STAM2: variants seen among roughly 807,000 people sequenced by gnomAD.
The protein encoded by STAM2 is signal transducing adaptor molecule 2.
Under a neutral mutation model 65.6 loss-of-function variants are expected in STAM2, and 51 were observed. The observed-to-expected ratio is 0.78, with a 90% CI of 0.62 to 0.98. The LOEUF is 0.98. STAM2 is among the 50% of genes least tolerant of loss of function. The pLI is 0.00. For synonymous variants in STAM2, 198 were observed against 208.4 expected (o/e 0.95, Z 0.43); for missense variants, 584 against 617.8 (o/e 0.95, Z 0.58).
At chr2:152,160,697 TG>T (rs1217060746) in intron 1 of STAM2, among the ~76,000 whole-genome samples, 32 of 127,676 alleles carry the variant, frequency 2.5e-4, no homozygotes, top group Admixed American at 2.0e-3. Flanking sequence ...GGGAGGGAGG[TG>T]GGGGGGTCAG....
chr2:152,156,666 A>G (rs993357556), intron 1 of STAM2, among the ~76,000 whole-genome samples: 2 of 152,170 alleles, frequency 1.3e-5, no homozygotes, highest in Non-Finnish European at 2.9e-5. Context: ...AATTCCATCA[A>G]TATCTACCTA....
Position 152,117,263 on chromosome 2 carries a change from G to C in STAM2, c.*3311C>G, listed in dbSNP as rs1220849524. On this transcript the variant is annotated 3_prime_UTR_variant, in exon 14 of 14. Transcript: ENST00000263904. ...TGATCACACCTCACTGCAGCCTCAA[G>C]CAATACTCCCACCTCAGCCTACTGA... is the stretch of plus-strand genomic sequence containing the variant. The C allele has an allele frequency of 6.6e-6, 1 of 152,140 alleles. No homozygotes were observed. The highest frequency in any genetic ancestry group is 1.5e-5 in the Non-Finnish European group (1 of 68,032). The allele number at this position is 152,140 out of a possible 1,614,324, so 9.4% of individuals were successfully genotyped here.
chr2:152,143,359 T>C (rs1305792892), intron 7 of STAM2, among the ~76,000 whole-genome samples: 4 of 152,216 alleles, frequency 2.6e-5, no homozygotes, highest in Non-Finnish European at 5.9e-5. Context: ...TCTACAGAGA[T>C]TGATCTATTT....
intron 8 of STAM2, 37 bp downstream of exon 8, chr2:152,135,472 C>T: frequency 6.9e-7 from 1 of 1,443,514 alleles, no homozygotes; most frequent in Non-Finnish European, 9.6e-7. Flanking sequence ...GTGAAAAAAA[C>T]TTAAATAGAT....
intron 11 of STAM2, 91 bp from the exon 12 acceptor site, chr2:152,126,470 A>G: frequency 1.3e-6 from 1 of 778,572 alleles, no homozygotes; most frequent in East Asian, 3.4e-5. Context: ...CACAATTTCT[A>G]TTAATATATT....
Position 152,166,091 on chromosome 2 carries a change from T to C in STAM2, c.40+9512A>G, listed in dbSNP as rs1037427589. Among the ~76,000 whole-genome samples the C allele has an allele frequency of 4.0e-4, 61 of 152,164 alleles. 1 individual carries two copies. The highest frequency in any genetic ancestry group is 1.3e-3 in the African/African-American group (55 of 41,510). On this transcript the variant is annotated intron_variant, in intron 1 of 13. Coordinates refer to ENST00000263904, the MANE Select transcript of STAM2 (RefSeq NM_005843.6). ...GGTGGTGCACATCTGTAGTCCCAGA[T>C]TGAACCTGGGAGGTGGAGGGTGCAG...
In STAM2 at chr2:152,148,297, C is replaced by T. The variant is rs200776407; in HGVS notation, c.129G>A (p.Ala43=). The change falls in exon 3 of 14, where the codon GCG becomes GCA. Residue 43 remains alanine (A), a synonymous_variant. Coordinates refer to ENST00000263904, the MANE Select transcript of STAM2 (RefSeq NM_005843.6). The part of the protein sequence containing the change: ...CDKVGSTPNG[A]KDCLKAIMKR... ...TCATTATGGCTTTTAGGCAATCTTT[C>T]GCTCTAAAAAAAAAAAGAGAGAGAG... is the stretch of plus-strand genomic sequence containing the variant. The T allele has an allele frequency of 5.6e-6, 9 of 1,594,548 alleles. No homozygotes were observed. The highest frequency in any genetic ancestry group is 2.3e-5 in the South Asian group (2 of 86,718).
In STAM2 at chr2:152,126,296, A is replaced by T; in HGVS notation, c.1109T>A (p.Val370Glu). ...GTGGAGCTTTGAATAGACTGAGTAC[A>T]CTGGTGCTTCATTCACCAATTTGTT... ...LYNKLVNEAP[V>E]YSVYSKLHPP... The change falls in exon 12 of 14, where the codon GTG becomes GAG. Residue 370 changes from valine (V) to glutamate (E), a missense_variant. Physicochemically the swap from Val to Glu is moderately radical, Grantham distance 121. Transcript: ENST00000263904. 3 of 1,608,992 alleles carry T rather than the reference A, an allele frequency of 1.9e-6. No individual in the cohort carries two copies.
chr2:152,167,643 C>A (rs1689810411), intron 1 of STAM2, among the ~76,000 whole-genome samples: 1 of 152,094 alleles, frequency 6.6e-6, no homozygotes, highest in East Asian at 1.9e-4. Flanking sequence ...TCCTATAATC[C>A]CAGCACTTTG....
chr2:152,144,140 A>C, intron 6 of STAM2, 127 bp from the exon 7 acceptor site: 2 of 768,700 alleles, frequency 2.6e-6, no homozygotes, highest in Non-Finnish European at 4.0e-6. Context: ...GCTACAGTTA[A>C]CTTTCGGGAG....
At position 152,133,165 on chromosome 2, in the gene STAM2, C is replaced by G; in HGVS notation, c.970+8G>C. 1 of 1,439,718 alleles carries G rather than the reference C, an allele frequency of 6.9e-7. No homozygotes were observed. Among genetic ancestry groups the G allele is most frequent in the Non-Finnish European group, 9.3e-7 (1 of 1,075,072 alleles). 89.2% of individuals were successfully genotyped at this position (1,439,718 alleles called of 1,614,324 possible). On this transcript the variant is annotated splice_region_variant and intron_variant, in intron 10 of 13. Coordinates refer to ENST00000263904, the MANE Select transcript of STAM2 (RefSeq NM_005843.6). ...ATATTAAAATAATATAAAATATTCACTAAGTACCTTCTAAATCCAAAAGGT... is the reference window on the plus strand; with the variant it reads ...ATATTAAAATAATATAAAATATTCAGTAAGTACCTTCTAAATCCAAAAGGT...
intron 1 of STAM2, among the ~76,000 whole-genome samples, chr2:152,161,984 G>A (rs1344615873): frequency 1.3e-5 from 2 of 152,072 alleles, no homozygotes; most frequent in African/African-American, 2.4e-5. Context: ...CACCACACCC[G>A]GTTAATTCTG....
intron 1 of STAM2, among the ~76,000 whole-genome samples, chr2:152,160,273 T>C (rs1427290621): frequency 2.8e-5 from 4 of 143,558 alleles, no homozygotes; most frequent in African/African-American, 1.1e-4. Context: ...CCATCCCATC[T>C]AGGAAGTGAG....
At chr2:152,162,985 A>G (rs1266230056) in intron 1 of STAM2, among the ~76,000 whole-genome samples, 1 of 152,142 alleles carries the variant, frequency 6.6e-6, no homozygotes, top group Non-Finnish European at 1.5e-5. Context: ...TAACTAGCAC[A>G]AGGTTATACA....
At chr2:152,128,487 T>G (rs1464515733) in intron 11 of STAM2, among the ~76,000 whole-genome samples, 1 of 150,812 alleles carries the variant, frequency 6.6e-6, no homozygotes, top group Non-Finnish European at 1.5e-5. Flanking sequence ...AACAAATGCA[T>G]AACTAAAATG....
chr2:152,133,361 T>C (rs780455071), intron 9 of STAM2, 41 bp downstream of exon 9: 3 of 1,550,792 alleles, frequency 1.9e-6, no homozygotes, highest in Non-Finnish European at 2.7e-6. Flanking sequence ...TACATTTAAA[T>C]GTCTTGATAG....
chr2:152,167,399 C>T (rs1443491024), intron 1 of STAM2, among the ~76,000 whole-genome samples: 1 of 152,138 alleles, frequency 6.6e-6, no homozygotes, highest in East Asian at 1.9e-4. Context: ...ACACTTACTA[C>T]ACCAAAAAAG....
chr2:152,146,127 C>T (rs1430974767), intron 5 of STAM2, among the ~76,000 whole-genome samples: 2 of 151,628 alleles, frequency 1.3e-5, no homozygotes, highest in African/African-American at 2.4e-5. Context: ...AAAAATTAGC[C>T]GGGCATGGTG....
chr2:152,123,095 G>A (rs530300978), intron 13 of STAM2, among the ~76,000 whole-genome samples: 64 of 151,644 alleles, frequency 4.2e-4, no homozygotes, highest in Non-Finnish European at 6.6e-4. Flanking sequence ...TTGGCCAGGC[G>A]TGGTGGCTCA....
Sources: allele counts gnomAD v4.1 joint callset (sites outside exome capture counted in the v4.1 genomes callset), GRCh38; gene constraint gnomAD v4.1.1; transcripts MANE v1.5; gene names NCBI Gene and HGNC (gene_info 2026-07-23, HGNC 2026-07-21).